The following MEIOSIN variants were observed in gnomAD, a reference collection of about 807,000 sequenced individuals.
The protein encoded by MEIOSIN is meiosis initiator.
A neutral mutation model predicts 23.4 loss-of-function variants in MEIOSIN; 18 were observed. The observed-to-expected ratio is 0.77, with a 90% confidence interval of 0.53 to 1.14. The LOEUF is 1.14. Ranked by LOEUF, MEIOSIN falls within the 50% of genes most tolerant of loss-of-function variation. The pLI, the probability that MEIOSIN is intolerant of heterozygous loss-of-function variation, is 0.00. For synonymous variants in MEIOSIN, 187 were observed against 100.6 expected (o/e 1.86, Z -5.14); for missense variants, 428 against 242.9 (o/e 1.76, Z -5.07).
At chr19:45,749,733 G>T (rs1460593490) in intron 4 of MEIOSIN, among the ~76,000 whole-genome samples, 4 of 147,878 alleles carry the variant, frequency 2.7e-5, no homozygotes, top group African/African-American at 9.9e-5. Context: ...GGCCGGGCGT[G>T]GTGGCTCACA....
intron 11 of MEIOSIN, among the ~76,000 whole-genome samples, 160 bp downstream of exon 11, chr19:45,759,650 C>T (rs959369324): frequency 6.6e-6 from 1 of 152,114 alleles, no homozygotes; most frequent in African/African-American, 2.4e-5. Context: ...AACCGCCCCC[C>T]GACCCTCTCT....
intron 4 of MEIOSIN, among the ~76,000 whole-genome samples, chr19:45,746,795 T>TA (rs764387013): frequency 2.7e-5 from 4 of 148,598 alleles, no homozygotes; most frequent in Non-Finnish European, 5.9e-5. Context: ...CACCCCAGCC[T>TA]AGGCAACAGA....
intron 9 of MEIOSIN, among the ~76,000 whole-genome samples, chr19:45,757,828 T>G (rs1968861192): frequency 6.6e-6 from 1 of 151,840 alleles, no homozygotes; most frequent in Non-Finnish European, 1.5e-5. Flanking sequence ...ACTCTTTTTG[T>G]GTTTTTGTTT....
At chr19:45,739,488 A>T (rs2146174230) in intron 2 of MEIOSIN, 138 bp from the exon 3 acceptor site, 1 of 622,136 alleles carries the variant, frequency 1.6e-6, no homozygotes. Flanking sequence ...GATGGTTCCC[A>T]GCAGTTCCAG....
At chr19:45,758,314 G>C (rs1968872126) in intron 9 of MEIOSIN, among the ~76,000 whole-genome samples, 2 of 152,024 alleles carry the variant, frequency 1.3e-5, no homozygotes, top group African/African-American at 4.8e-5. Flanking sequence ...TCTTGTTGCA[G>C]AGCTGCAGGT....
At position 45,745,223 on chromosome 19, in the gene MEIOSIN, C is replaced by T. The variant is rs1568555078; in HGVS notation, c.208C>T (p.Pro70Ser). The T allele has an allele frequency of 1.4e-6, 1 of 702,926 alleles. No individual in the cohort carries two copies. Among genetic ancestry groups the T allele is most frequent in the East Asian group, 2.7e-5 (1 of 37,288 alleles). The allele number at this position is 702,926 out of a possible 1,614,324, so 43.5% of individuals were successfully genotyped here. A position where few individuals can be genotyped will look rare whatever the true frequency, so the allele number is the denominator to read the frequency against. The change falls in exon 4 of 15, where the codon CCA becomes TCA. Residue 70 changes from proline (P) to serine (S), a missense_variant. Physicochemically the swap from Pro to Ser is moderately conservative, Grantham distance 74. Transcript: ENST00000457052. Reference protein sequence around the residue: ...NQRNQNKLLSPNKKQRKNHTS... With the variant: ...NQRNQNKLLSSNKKQRKNHTS... Reference sequence around the variant, plus strand: ...GAGGAACCAAAACAAGCTCCTGTCCCCAAACAAGAAGCAGAGGAAAAACCA... The same window carrying T: ...GAGGAACCAAAACAAGCTCCTGTCCTCAAACAAGAAGCAGAGGAAAAACCA...
Position 45,760,899 on chromosome 19 carries a change from G to A in MEIOSIN, c.1246-780G>A, listed in dbSNP as rs576008777. ...AGATGGTGCCATTGCACTCCAGCCTGAGGGACAAGAGTAAGACTCCGTCTC... is the reference window on the plus strand; with the variant it reads ...AGATGGTGCCATTGCACTCCAGCCTAAGGGACAAGAGTAAGACTCCGTCTC... On this transcript the variant is annotated intron_variant, in intron 11 of 14. Transcript: ENST00000457052. Among the ~76,000 whole-genome samples, 3 of 147,990 alleles carry A rather than the reference G, an allele frequency of 2.0e-5. No homozygotes were observed. The South Asian group carries it at 6.4e-4, about 32-fold the overall frequency.
chr19:45,745,795 T>C (rs527413688), intron 4 of MEIOSIN, among the ~76,000 whole-genome samples: 1 of 152,226 alleles, frequency 6.6e-6, no homozygotes, highest in African/African-American at 2.4e-5. Context: ...CGGTCTCAAA[T>C]TCCTGACCTC....
At chr19:45,761,128 TC>T (rs979186924) in intron 11 of MEIOSIN, among the ~76,000 whole-genome samples, 4 of 109,670 alleles carry the variant, frequency 3.6e-5, no homozygotes, top group African/African-American at 1.6e-4. Flanking sequence ...TAATTCAATT[TC>T]TTTTTTTTTT....
In MEIOSIN at chr19:45,754,473, C is replaced by T. The variant is rs1046628945; in HGVS notation, c.557-6C>T. 1.4e-6 allele frequency: 1 copy of T among 700,306 alleles called. No individual in the cohort carries two copies. Among genetic ancestry groups the T allele is most frequent in the Non-Finnish European group, 2.6e-6 (1 of 383,228 alleles). 43.4% of individuals were successfully genotyped at this position (700,306 alleles called of 1,614,324 possible). The stretch of plus-strand genomic sequence containing the variant: ...CCCTCTGACACCTGAACCTCTGCTC[C>T]CCCAGAAAGCCAGACTCGGACCCCG... On this transcript the variant is annotated splice_polypyrimidine_tract_variant and splice_region_variant and intron_variant, in intron 6 of 14. Coordinates refer to ENST00000457052, the MANE Select transcript of MEIOSIN (RefSeq NM_001310124.2).
intron 2 of MEIOSIN, among the ~76,000 whole-genome samples, chr19:45,739,093 A>G (rs1460431143): frequency 6.6e-6 from 1 of 152,024 alleles, no homozygotes; most frequent in Non-Finnish European, 1.5e-5. Context: ...TGGCTCTGGT[A>G]TTGTCTGTGT....
chr19:45,753,244 C>G (rs1326850943), intron 5 of MEIOSIN, among the ~76,000 whole-genome samples: 2 of 152,114 alleles, frequency 1.3e-5, no homozygotes, highest in Non-Finnish European at 2.9e-5. Context: ...GTGAGTAAAC[C>G]TAGAAGATGT....
At chr19:45,742,487 A>G (rs148892837) in intron 3 of MEIOSIN, among the ~76,000 whole-genome samples, 7 of 152,106 alleles carry the variant, frequency 4.6e-5, no homozygotes, top group Non-Finnish European at 8.8e-5. Context: ...CTCTTTAAAA[A>G]CAAACAAGCA....
chr19:45,748,687 A>T (rs1401382048), intron 4 of MEIOSIN, among the ~76,000 whole-genome samples: 1 of 152,168 alleles, frequency 6.6e-6, no homozygotes, highest in Non-Finnish European at 1.5e-5. Context: ...AGTAACATTT[A>T]TATATTACTT....
rs1311889667 is a variant in MEIOSIN, at chr19:45,739,676, C to T, written c.122C>T (p.Ser41Phe). 4.3e-6 allele frequency: 3 copies of T among 703,436 alleles called. No individual in the cohort carries two copies. In the Admixed American group the frequency reaches 6.0e-5, roughly 14 times the overall value. The allele number at this position is 703,436 out of a possible 1,614,324, so 43.6% of individuals were successfully genotyped here. A position where few individuals can be genotyped will look rare whatever the true frequency, so the allele number is the denominator to read the frequency against. The change falls in exon 3 of 15, where the codon TCC becomes TTC. Residue 41 changes from serine (S) to phenylalanine (F), a missense_variant. Coordinates refer to ENST00000457052, the MANE Select transcript of MEIOSIN (RefSeq NM_001310124.2). ...LVEGEDKVNP[S>F]EPHGLRMEEK... ...GAAGGGGAAGATAAGGTCAACCCCT[C>T]CGAACCACATGGACTGAGAATGGAG...
intron 3 of MEIOSIN, among the ~76,000 whole-genome samples, chr19:45,744,559 T>A (rs1272572227): frequency 6.6e-6 from 1 of 152,118 alleles, no homozygotes; most frequent in African/African-American, 2.4e-5. Flanking sequence ...GTAGCTGGGA[T>A]TACAGGCGCC....
rs1157034872 is a variant in MEIOSIN at position 45,763,322 on chromosome 19, C to T, written c.1680-16C>T. ...CCTGCAGACCTCTCCTTACCTCCTCCTCCTTCCTGTCCCAGATCCTGCCCT... is the reference window on the plus strand; with the variant it reads ...CCTGCAGACCTCTCCTTACCTCCTCTTCCTTCCTGTCCCAGATCCTGCCCT... On this transcript the variant is annotated splice_polypyrimidine_tract_variant and intron_variant, in intron 13 of 14. Transcript: ENST00000457052. 5.0e-6 allele frequency: 2 copies of T among 398,706 alleles called. No homozygotes were observed. The highest frequency in any genetic ancestry group is 8.8e-6 in the Non-Finnish European group (2 of 226,208). The allele number at this position is 398,706 out of a possible 1,614,324, so 24.7% of individuals were successfully genotyped here. A position where few individuals can be genotyped will look rare whatever the true frequency, so the allele number is the denominator to read the frequency against.
In MEIOSIN at chr19:45,758,975, C is replaced by T. The variant is rs1327961756; in HGVS notation, c.1110C>T (p.Ser370=). 2 of 703,116 alleles carry T rather than the reference C, an allele frequency of 2.8e-6. No homozygotes were observed. Among genetic ancestry groups the T allele is most frequent in the East Asian group, 2.7e-5 (1 of 37,294 alleles). 43.6% of individuals were successfully genotyped at this position (703,116 alleles called of 1,614,324 possible). ...GGCTCAGCCCTAGCCTTTTCAGCTC[C>T]CCAGGGAAACTGCTGCCAGACGAGA... ...ILGLSPSLFS[S]PGKLLPDEIL... The change falls in exon 10 of 15, where the codon TCC becomes TCT. Residue 370 remains serine, a synonymous_variant. Transcript: ENST00000457052.
intron 2 of MEIOSIN, among the ~76,000 whole-genome samples, chr19:45,735,718 C>T (rs1246231981): frequency 6.6e-6 from 1 of 151,970 alleles, no homozygotes; most frequent in Non-Finnish European, 1.5e-5. Flanking sequence ...CTCCTGTTGC[C>T]CAGGCTGGAG....
Sources: gnomAD v4.1 joint callset for allele counts (sites outside exome capture counted in the v4.1 genomes callset) on GRCh38, gnomAD v4.1.1 for gene constraint, MANE v1.5 for transcripts, NCBI Gene and HGNC (gene_info 2026-07-23, HGNC 2026-07-21) for gene names.